The following OSBPL1A variants were observed in gnomAD, a reference collection of about 807,000 sequenced individuals.
OSBPL1A encodes the protein oxysterol binding protein like 1A, also known as oxysterol-binding protein-related protein 1.
In OSBPL1A, 80 loss-of-function variants were observed where a neutral mutation model predicts 137.1. The ratio of observed to expected loss-of-function variants is 0.58; its 90% CI spans 0.49 to 0.70. The LOEUF (loss-of-function observed/expected upper bound fraction) is 0.70, where lower values mean the gene tolerates loss of function less well. OSBPL1A is among the 30% of genes least tolerant of loss of function. The pLI, the probability that OSBPL1A is intolerant of heterozygous loss-of-function variation, is 0.00. For missense variants in OSBPL1A, 970 were observed against 1,129.4 expected, an observed-to-expected ratio of 0.86 and a Z score of 2.02; for synonymous variants, 365 against 389.7, an observed-to-expected ratio of 0.94 and a Z score of 0.75.
At chr18:24,303,568 A>G in intron 14 of OSBPL1A, 69 bp downstream of exon 14, 1 of 1,298,700 alleles carries the variant, frequency 7.7e-7, no homozygotes, top group Non-Finnish European at 1.1e-6. Context: ...AATGAAGTCA[A>G]ACAAAACTAC....
intron 16 of OSBPL1A, among the ~76,000 whole-genome samples, chr18:24,232,917 T>A (rs777324168): frequency 6.6e-6 from 1 of 152,226 alleles, no homozygotes; most frequent in Admixed American, 6.5e-5. Flanking sequence ...TTTCATGATA[T>A]AACTATCTAT....
rs568847086 is a variant in OSBPL1A at position 24,240,560 on chromosome 18, C to G, written c.1282-1178G>C. ...GGAGCCAATGTGCACTATAGACAGA[C>G]AGGAGGCAGAAAAGCAGGGATCCAC... On this transcript the variant is annotated intron_variant, in intron 15 of 27. Coordinates refer to ENST00000319481, the MANE Select transcript of OSBPL1A (RefSeq NM_080597.4). Among the ~76,000 whole-genome samples, 3 of 152,280 alleles carry G rather than the reference C, an allele frequency of 2.0e-5. No homozygotes were observed. The East Asian group carries it at 5.8e-4, about 29-fold the overall frequency.
At chr18:24,167,735 T>C (rs1014951166) in intron 24 of OSBPL1A, among the ~76,000 whole-genome samples, 1 of 152,242 alleles carries the variant, frequency 6.6e-6, no homozygotes, top group African/African-American at 2.4e-5. Context: ...GTAAGTACAC[T>C]GTATGAGGTT....
At chr18:24,289,841 C>T (rs546986879) in intron 14 of OSBPL1A, among the ~76,000 whole-genome samples, 1 of 152,040 alleles carries the variant, frequency 6.6e-6, no homozygotes, top group South Asian at 2.1e-4. Context: ...AGTCAACTTA[C>T]CTGTAAAATG....
intron 14 of OSBPL1A, among the ~76,000 whole-genome samples, chr18:24,302,953 A>G (rs966891807): frequency 1.2e-4 from 18 of 151,560 alleles, no homozygotes; most frequent in African/African-American, 4.1e-4. Flanking sequence ...GTGGAAGAGT[A>G]AGGATTCAAG....
At chr18:24,330,485 CTTTT>C (rs543591621) in intron 7 of OSBPL1A, among the ~76,000 whole-genome samples, 1 of 142,668 alleles carries the variant, frequency 7.0e-6, no homozygotes, top group African/African-American at 2.5e-5. Context: ...AGAGATAAAA[CTTTT>C]TTTTTTTTTT....
In OSBPL1A at chr18:24,168,817, C is replaced by T. The variant is rs139751835; in HGVS notation, c.2419-1372G>A. On this transcript the variant is annotated intron_variant, in intron 24 of 27. Transcript: ENST00000319481. ...GAAAAGCAGTGGATGTGTGAGAATA[C>T]CTGCTCTCTCCAATGGGAAAAAAAA... Among the ~76,000 whole-genome samples, 582 of 152,252 alleles carry T rather than the reference C, an allele frequency of 3.8e-3. 6 individuals carry two copies. Among genetic ancestry groups the T allele is most frequent in the African/African-American group, 0.013 (559 of 41,534 alleles).
At chr18:24,256,549 T>C (rs923430945) in intron 15 of OSBPL1A, among the ~76,000 whole-genome samples, 2 of 152,136 alleles carry the variant, frequency 1.3e-5, no homozygotes, top group African/African-American at 4.8e-5. Flanking sequence ...TCCTTTAAGA[T>C]ATGGAACACA....
intron 5 of OSBPL1A, among the ~76,000 whole-genome samples, chr18:24,335,697 G>A (rs2091163763): frequency 6.6e-6 from 1 of 152,188 alleles, no homozygotes; most frequent in African/African-American, 2.4e-5. Flanking sequence ...GGACAGAGAA[G>A]CAGGTTGGGG....
chr18:24,382,683 C>T (rs979024389), intron 1 of OSBPL1A, among the ~76,000 whole-genome samples: 1 of 151,664 alleles, frequency 6.6e-6, no homozygotes, highest in Non-Finnish European at 1.5e-5. Context: ...CAAGACCAGC[C>T]TGGGCAACAT....
At position 24,170,372 on chromosome 18, in the gene OSBPL1A, T is replaced by A. The variant is rs1443967277; in HGVS notation, c.2373A>T (p.Lys791Asn). 6.2e-7 allele frequency: 1 copy of A among 1,614,092 alleles called. No individual in the cohort carries two copies. The highest frequency in any genetic ancestry group is 1.7e-5 in the Admixed American group (1 of 60,012). The change falls in exon 24 of 28, where the codon AAA (lysine) becomes AAT (asparagine). Residue 791 changes from lysine to asparagine, a missense_variant. Transcript: ENST00000319481. ...SVDPATFDAY[K>N]KNDKKNTEEK... Reference sequence around the variant, plus strand: ...CTTCTGTATTTTTCTTATCATTTTTTTTGTAAGCGTCAAACGTGGCAGGGT... The same window carrying A: ...CTTCTGTATTTTTCTTATCATTTTTATTGTAAGCGTCAAACGTGGCAGGGT...
At chr18:24,263,361 G>T (rs553986072) in intron 15 of OSBPL1A, among the ~76,000 whole-genome samples, 1 of 152,250 alleles carries the variant, frequency 6.6e-6, no homozygotes, top group South Asian at 2.1e-4. Flanking sequence ...TGTGAGGTTT[G>T]CCACTGAACA....
At position 24,265,500 on chromosome 18, in the gene OSBPL1A, AAAAAG is replaced by A. The variant is rs1289768205; in HGVS notation, c.1281+15337_1281+15341del. The stretch of plus-strand genomic sequence containing the variant: ...ATCTTGGAAAAAGAAAAAGAAAAAG[AAAAAG>A]AAATTTACTAAGAATTATGCTCACA... On this transcript the variant is annotated intron_variant, in intron 15 of 27. Coordinates refer to ENST00000319481, the MANE Select transcript of OSBPL1A (RefSeq NM_080597.4). Among the ~76,000 whole-genome samples the A allele has an allele frequency of 2.6e-5, 4 of 152,284 alleles. No individual in the cohort carries two copies. The East Asian group carries it at 7.7e-4, about 29-fold the overall frequency.
intron 26 of OSBPL1A, 80 bp from the exon 27 acceptor site, chr18:24,165,235 C>A (rs1036557692): frequency 4.1e-6 from 5 of 1,224,748 alleles, no homozygotes; most frequent in African/African-American, 1.5e-5. Context: ...AAGAACTTCA[C>A]AAAAGAACCA....
At chr18:24,295,910 C>G (rs2090282366) in intron 14 of OSBPL1A, among the ~76,000 whole-genome samples, 1 of 151,372 alleles carries the variant, frequency 6.6e-6, no homozygotes, top group Admixed American at 6.6e-5. Flanking sequence ...AACTAGAGCT[C>G]TGCAGTATAA....
intron 4 of OSBPL1A, among the ~76,000 whole-genome samples, chr18:24,355,858 G>A (rs45511803): frequency 0.064 from 9,656 of 150,940 alleles, 381 homozygotes; most frequent in Middle Eastern, 0.096. Flanking sequence ...GGTGGCATGC[G>A]CCTGTAATCC....
chr18:24,237,121 T>C (rs1238800563), intron 16 of OSBPL1A, among the ~76,000 whole-genome samples: 1 of 152,046 alleles, frequency 6.6e-6, no homozygotes, highest in Non-Finnish European at 1.5e-5. Context: ...CAAGCACATA[T>C]ATATGTGATG....
At chr18:24,266,008 G>T (rs185830679) in intron 15 of OSBPL1A, among the ~76,000 whole-genome samples, 2 of 152,306 alleles carry the variant, frequency 1.3e-5, no homozygotes, top group Non-Finnish European at 2.9e-5. Context: ...CATGGAAACT[G>T]ACAGGTTTCT....
intron 17 of OSBPL1A, 55 bp from the exon 18 acceptor site, chr18:24,196,255 G>T (rs2087027657): frequency 1.7e-6 from 2 of 1,209,654 alleles, no homozygotes; most frequent in Non-Finnish European, 2.4e-6. Flanking sequence ...GTCAGCAGGA[G>T]GGAAGAACTG....
Sources: gnomAD v4.1 joint callset for allele counts (sites outside exome capture counted in the v4.1 genomes callset) on GRCh38, gnomAD v4.1.1 for gene constraint, MANE v1.5 for transcripts, NCBI Gene and HGNC (gene_info 2026-07-23, HGNC 2026-07-21) for gene names.